Variants in RAPGEF2 observed in about 807,000 individuals in gnomAD.
The protein encoded by RAPGEF2 is Rap guanine nucleotide exchange factor 2, also known as PDZ domain containing guanine nucleotide exchange factor (GEF) 1.
A neutral mutation model predicts 186.7 loss-of-function variants in RAPGEF2; 54 were observed. The ratio of observed to expected loss-of-function variants is 0.29; its 90% CI spans 0.23 to 0.36. RAPGEF2 has a LOEUF of 0.36. RAPGEF2 is among the 10% of genes least tolerant of loss of function. The pLI, the probability that RAPGEF2 is intolerant of heterozygous loss-of-function variation, is 1.00. For missense variants in RAPGEF2, 1,532 were observed against 2,045.0 expected, an observed-to-expected ratio of 0.75 and a Z score of 4.84; for synonymous variants, 712 against 705.9, an observed-to-expected ratio of 1.01 and a Z score of -0.14.
chr4:159,350,203 A>C lies in RAPGEF2; in HGVS notation c.3779A>C (p.His1260Pro). The change falls in exon 26 of 30, where the codon CAC becomes CCC. Residue 1260 changes from histidine (H) to proline (P), a missense_variant. Coordinates refer to ENST00000691494, the MANE Select transcript of RAPGEF2 (RefSeq NM_001394067.2). ...SLSEEGSLER[H>P]KKQAEDTISN... ...TCTGAAGAAGGAAGTTTGGAACGTC[A>C]CAAGAAACAGGCTGAAGATACAATA... 1 of 1,595,580 alleles carries C rather than the reference A, an allele frequency of 6.3e-7. No individual in the cohort carries two copies. The highest frequency in any genetic ancestry group is 1.2e-5 in the South Asian group (1 of 86,688).
At chr4:159,145,386 A>T (rs1335885158) in intron 1 of RAPGEF2, among the ~76,000 whole-genome samples, 1 of 152,232 alleles carries the variant, frequency 6.6e-6, no homozygotes, top group Non-Finnish European at 1.5e-5. Context: ...ATGTTATTTA[A>T]CCAGTACACC....
chr4:159,122,038 C>CA (rs70962654), intron 1 of RAPGEF2, among the ~76,000 whole-genome samples: 3,496 of 51,260 alleles, frequency 0.068, 304 homozygotes, highest in Non-Finnish European at 0.076. Flanking sequence ...GACTCCATCT[C>CA]AAAAAAAAAA....
chr4:159,251,648 C>G (rs1230833971), intron 7 of RAPGEF2, among the ~76,000 whole-genome samples: 3 of 152,068 alleles, frequency 2.0e-5, no homozygotes, highest in South Asian at 2.1e-4. Flanking sequence ...ACTTTGAGAA[C>G]TTTTATGTCT....
chr4:159,337,664 C>T (rs1767617520), intron 17 of RAPGEF2, among the ~76,000 whole-genome samples: 1 of 146,372 alleles, frequency 6.8e-6, no homozygotes, highest in Non-Finnish European at 1.5e-5. Flanking sequence ...CCAAGACAGG[C>T]GGATCACAAG....
intron 7 of RAPGEF2, among the ~76,000 whole-genome samples, chr4:159,278,441 T>C (rs1326563969): frequency 6.6e-6 from 1 of 152,224 alleles, no homozygotes; most frequent in Non-Finnish European, 1.5e-5. Context: ...TACTGAAATA[T>C]ATTGAAATAA....
At chr4:159,179,181 G>A (rs1477045770) in intron 1 of RAPGEF2, among the ~76,000 whole-genome samples, 3 of 131,704 alleles carry the variant, frequency 2.3e-5, no homozygotes, top group Non-Finnish European at 4.8e-5. Context: ...AATGACTAGA[G>A]AATTTGGGGG....
chr4:159,210,847 A>G (rs1376436601), intron 4 of RAPGEF2, among the ~76,000 whole-genome samples: 1 of 152,204 alleles, frequency 6.6e-6, no homozygotes, highest in Non-Finnish European at 1.5e-5. Flanking sequence ...TGTTGAGGGC[A>G]CATTTGCTCC....
intron 4 of RAPGEF2, among the ~76,000 whole-genome samples, chr4:159,227,076 A>C (rs544965300): frequency 2.8e-4 from 42 of 152,312 alleles, no homozygotes; most frequent in Admixed American, 7.8e-4. Context: ...TACCATTTCA[A>C]CTTCTCTTGT....
chr4:159,353,624 G>A lies in RAPGEF2; in HGVS notation c.4229G>A (p.Trp1410Ter). 6.3e-7 allele frequency: 1 copy of A among 1,597,232 alleles called. No individual in the cohort carries two copies. Among genetic ancestry groups the A allele is most frequent in the South Asian group, 1.1e-5 (1 of 87,682 alleles). ...GCTGCTGACAGTGGCCGTGGGAGCT[G>A]GACGTCATGCTCAAGTGGCTCCCAT... ...LDAADSGRGSWTSCSSGSHDN... is the reference protein window; with the variant it reads ...LDAADSGRGS Residue 1410 changes from tryptophan to a stop codon, truncating the protein, a stop_gained, in exon 28 of 30, where the codon TGG (tryptophan) becomes TAG (stop). Transcript: ENST00000691494. LOFTEE classifies it high-confidence loss of function. The surrounding 1 kb of genome is among the most constrained non-coding windows in gnomAD (Gnocchi z 4.3).
chr4:159,220,191 A>G (rs1023588447), intron 4 of RAPGEF2, among the ~76,000 whole-genome samples: 7 of 152,200 alleles, frequency 4.6e-5, no homozygotes, highest in Non-Finnish European at 1.0e-4. Flanking sequence ...TTCATTGTGA[A>G]GTAGAGCAGG....
At chr4:159,299,187 A>C (rs912393759) in intron 7 of RAPGEF2, among the ~76,000 whole-genome samples, 2 of 152,122 alleles carry the variant, frequency 1.3e-5, no homozygotes, top group African/African-American at 4.8e-5. Context: ...ATTTTACTTT[A>C]AGTAGATTTA....
chr4:159,277,178 G>A (rs1347503818), intron 7 of RAPGEF2, among the ~76,000 whole-genome samples: 1 of 151,418 alleles, frequency 6.6e-6, no homozygotes, highest in Non-Finnish European at 1.5e-5. Context: ...GCAGTGTTTG[G>A]TTTTCTGTCC....
At chr4:159,169,586 C>A (rs1579359855) in intron 1 of RAPGEF2, among the ~76,000 whole-genome samples, 1 of 151,952 alleles carries the variant, frequency 6.6e-6, no homozygotes, top group Admixed American at 6.6e-5. Flanking sequence ...CCCAACAGCC[C>A]CCCCTCCCCA....
intron 11 of RAPGEF2, among the ~76,000 whole-genome samples, 170 bp downstream of exon 11, chr4:159,323,787 C>T (rs561682306): frequency 6.0e-5 from 9 of 150,106 alleles, no homozygotes; most frequent in African/African-American, 9.8e-5. Context: ...GGCACAAGCT[C>T]GGCTCACTGC....
intron 8 of RAPGEF2, among the ~76,000 whole-genome samples, chr4:159,307,097 A>C (rs1301961719): frequency 6.6e-6 from 1 of 152,204 alleles, no homozygotes; most frequent in Non-Finnish European, 1.5e-5. Context: ...GGTTTCAAGC[A>C]AAATAACATT....
At chr4:159,159,391 C>A (rs1461288421) in intron 1 of RAPGEF2, among the ~76,000 whole-genome samples, 1 of 151,142 alleles carries the variant, frequency 6.6e-6, no homozygotes, top group Non-Finnish European at 1.5e-5. Flanking sequence ...GTGGGATCAA[C>A]CTATAGATGT....
At position 159,203,274 on chromosome 4, in the gene RAPGEF2, AC is replaced by A. The variant is rs765288628; in HGVS notation, c.198-7224del. Among the ~76,000 whole-genome samples, 13 of 152,122 alleles carry A rather than the reference AC, an allele frequency of 8.5e-5. No individual in the cohort carries two copies. In the East Asian group the frequency reaches 9.6e-4, roughly 11 times the overall value. ...ATCTTTGACTTTCAAGCACTTTAAT[AC>A]CTTACCTGGGTTCCTGTCTATTCAG... On this transcript the variant is annotated intron_variant, in intron 3 of 29. Transcript: ENST00000691494.
chr4:159,313,665 T>A (rs1406551816), intron 8 of RAPGEF2, among the ~76,000 whole-genome samples: 2 of 152,232 alleles, frequency 1.3e-5, no homozygotes, highest in Non-Finnish European at 2.9e-5. Context: ...AATAATTGTA[T>A]AAGATGTTTT....
In RAPGEF2 at chr4:159,330,295, G is replaced by GTGTGTGTGTGTA. The variant is rs1554038040; in HGVS notation, c.1303-38_1303-37insGTGTGTGTGTAT. 2,459 of 923,898 alleles carry GTGTGTGTGTGTA rather than the reference G, an allele frequency of 2.7e-3. 31 individuals are homozygous for GTGTGTGTGTGTA. The African/African-American group carries it at 0.035, about 13-fold the overall frequency. The allele number at this position is 923,898 out of a possible 1,614,324, so 57.2% of individuals were successfully genotyped here. On this transcript the variant is annotated intron_variant, in intron 12 of 29. Coordinates refer to ENST00000691494, the MANE Select transcript of RAPGEF2 (RefSeq NM_001394067.2). ...TGTGTGTGTGTGTGTGTGTGTGTGTGTATATATATGTAGTAATTAAACCTT... is the reference window on the plus strand; with the variant it reads ...TGTGTGTGTGTGTGTGTGTGTGTGTGTGTGTGTGTGTATATATATATGTAGTAATTAAACCTT...
Sources: allele counts gnomAD v4.1 joint callset (sites outside exome capture counted in the v4.1 genomes callset), GRCh38; gene constraint gnomAD v4.1.1; non-coding constraint Gnocchi (gnomAD v3.1); transcripts MANE v1.5; gene names NCBI Gene and HGNC (gene_info 2026-07-23, HGNC 2026-07-21).